DAG1: variants seen among roughly 807,000 people sequenced by gnomAD.
DAG1 encodes dystroglycan 1.
Under a neutral mutation model 46.1 loss-of-function variants are expected in DAG1, and 8 were observed. That is an observed-to-expected ratio of 0.17 (90% CI 0.10 to 0.31). The LOEUF (loss-of-function observed/expected upper bound fraction) is 0.31. Ranked by LOEUF, DAG1 falls within the 10% of genes least tolerant of loss-of-function variation. DAG1 has a pLI of 1.00. For synonymous variants in DAG1, 495 were observed against 481.8 expected, an observed-to-expected ratio of 1.03 and a Z score of -0.36; for missense variants, 1,003 against 1,189.9, an observed-to-expected ratio of 0.84 and a Z score of 2.31.
intron 2 of DAG1, among the ~76,000 whole-genome samples, chr3:49,515,151 G>T (rs996697900): frequency 2.0e-5 from 3 of 151,760 alleles, no homozygotes; most frequent in African/African-American, 7.3e-5. Context: ...TGTATTTTTA[G>T]TAGAGATGGG....
rs144895654 is a variant in DAG1, at chr3:49,493,663, T to C, written c.-116-16756T>C. On this transcript the variant is annotated intron_variant, in intron 1 of 2. Coordinates refer to ENST00000308775, the MANE Select transcript of DAG1 (RefSeq NM_004393.6). ...CCTGAACTGGACATATCTCCAGGTA[T>C]GTGCTGTGGTCTTTAACAAGCAGCC... 1.9e-3 allele frequency among the ~76,000 whole-genome samples: 288 copies of C among 152,354 alleles called. 2 individuals are homozygous for C. The highest frequency in any genetic ancestry group is 6.6e-3 in the African/African-American group (273 of 41,590).
intron 2 of DAG1, among the ~76,000 whole-genome samples, chr3:49,511,969 T>C: frequency 6.6e-6 from 1 of 152,242 alleles, no homozygotes; most frequent in East Asian, 1.9e-4. Flanking sequence ...TTTTTTACAC[T>C]TATAGTCCCA....
At chr3:49,470,004 C>G (rs767430067), upstream of DAG1, 3 of 151,844 alleles carry the variant, frequency 2.0e-5, no homozygotes, top group Non-Finnish European at 4.4e-5. Flanking sequence ...CTTCCCTGGC[C>G]GTGGGGGCGA....
In DAG1 at chr3:49,510,714, T is replaced by C; in HGVS notation, c.180T>C (p.Ala60=). 6.2e-7 allele frequency: 1 copy of C among 1,614,202 alleles called. No individual in the cohort carries two copies. The highest frequency in any genetic ancestry group is 8.5e-7 in the Non-Finnish European group (1 of 1,180,034). The part of the protein sequence containing the change: ...MHSVLSDLHE[A]VPTVVGIPDG... ...CAGTGCTCTCAGACCTCCACGAGGC[T>C]GTTCCCACAGTGGTTGGCATTCCTG... Residue 60 remains alanine, a synonymous_variant, in exon 2 of 3, where the codon GCT becomes GCC. Transcript: ENST00000308775.
At chr3:49,480,291 AGACG>A (rs1382900251) in intron 1 of DAG1, among the ~76,000 whole-genome samples, 2 of 56,270 alleles carry the variant, frequency 3.6e-5, no homozygotes, top group East Asian at 7.8e-4. Flanking sequence ...TTTTTTTGGG[AGACG>A]GACGGAGTCT....
In DAG1 at chr3:49,513,739, C is replaced by G. The variant is rs2050822668; in HGVS notation, c.285+2920C>G. Among the ~76,000 whole-genome samples the G allele has an allele frequency of 3.3e-5, 5 of 152,114 alleles. No homozygotes were observed. In the South Asian group the frequency reaches 1.0e-3, roughly 31 times the overall value. Reference sequence around the variant, plus strand: ...CATGTAGCAGTTCACAGAGCTCTTCCTAGTTTGCAGAGTGTTTGCATAAAG... The same window carrying G: ...CATGTAGCAGTTCACAGAGCTCTTCGTAGTTTGCAGAGTGTTTGCATAAAG... On this transcript the variant is annotated intron_variant, in intron 2 of 2. Transcript: ENST00000308775.
intron 1 of DAG1, among the ~76,000 whole-genome samples, chr3:49,507,282 G>T (rs2050629028): frequency 6.6e-6 from 1 of 152,200 alleles, no homozygotes; most frequent in South Asian, 2.1e-4. Flanking sequence ...CAAATTCAGG[G>T]TCAGGCGTGG....
At chr3:49,485,789 A>G (rs1230789600) in intron 1 of DAG1, among the ~76,000 whole-genome samples, 1 of 151,340 alleles carries the variant, frequency 6.6e-6, no homozygotes, top group Admixed American at 6.6e-5. Context: ...GCCTTCTGCA[A>G]AGCTGGAACT....
rs79896705 is a variant in DAG1, at chr3:49,530,464, G to C, written c.286-333G>C. Among the ~76,000 whole-genome samples, 1,804 of 152,288 alleles carry C rather than the reference G, an allele frequency of 0.012. 41 individuals carry two copies. Among genetic ancestry groups the C allele is most frequent in the African/African-American group, 0.042 (1,726 of 41,550 alleles). On this transcript the variant is annotated intron_variant, in intron 2 of 2. Transcript: ENST00000308775. Reference sequence around the variant, plus strand: ...GTAGAATGGGCAAGTAGGTGGCAGGGCGTGTCACTGTTATAAAATCCACAA... The same window carrying C: ...GTAGAATGGGCAAGTAGGTGGCAGGCCGTGTCACTGTTATAAAATCCACAA...
chr3:49,518,658 C>G (rs921752898), intron 2 of DAG1, among the ~76,000 whole-genome samples: 17 of 152,220 alleles, frequency 1.1e-4, no homozygotes, highest in Admixed American at 9.8e-4. Flanking sequence ...CAGCTCTTGT[C>G]CAGTCTCAGC....
chr3:49,532,404 G>A lies in DAG1; in HGVS notation c.1893G>A (p.Lys631=). The part of the protein sequence containing the change: ...NDIHKKIALV[K]KLAFAFGDRN... Reference sequence around the variant, plus strand: ...TCCACAAGAAGATTGCCTTGGTAAAGAAACTGGCCTTCGCCTTTGGAGACC... The same window carrying A: ...TCCACAAGAAGATTGCCTTGGTAAAAAAACTGGCCTTCGCCTTTGGAGACC... The change falls in exon 3 of 3, where the codon AAG becomes AAA. Residue 631 remains lysine (K), a synonymous_variant. Coordinates refer to ENST00000308775, the MANE Select transcript of DAG1 (RefSeq NM_004393.6). This position sits in a 1 kb window ranked among gnomAD's most constrained non-coding sequence, Gnocchi z 5.4. 1 of 1,614,224 alleles carries A rather than the reference G, an allele frequency of 6.2e-7. No homozygotes were observed. The highest frequency in any genetic ancestry group is 8.5e-7 in the Non-Finnish European group (1 of 1,180,052).
chr3:49,505,837 A>AT (rs35262532), intron 1 of DAG1, among the ~76,000 whole-genome samples: 106,599 of 145,440 alleles, frequency 0.73, 39,184 homozygotes, highest in East Asian at 0.99. Context: ...CTAATTTTGT[A>AT]TTTTTTTTTT....
In DAG1 at chr3:49,532,779, G is replaced by A. The variant is rs780567124; in HGVS notation, c.2268G>A (p.Pro756=). The part of the protein sequence containing the change: ...EDDVYLHTVI[P]AVVVAAILLI... ...ATGTCTACCTGCACACAGTCATTCCGGCCGTGGTGGTCGCAGCCATCCTGC... is the reference window on the plus strand; with the variant it reads ...ATGTCTACCTGCACACAGTCATTCCAGCCGTGGTGGTCGCAGCCATCCTGC... The change falls in exon 3 of 3, where the codon CCG becomes CCA. Residue 756 remains proline (P), a synonymous_variant. Coordinates refer to ENST00000308775, the MANE Select transcript of DAG1 (RefSeq NM_004393.6). This position sits in a 1 kb window ranked among gnomAD's most constrained non-coding sequence, Gnocchi z 5.4. 15 of 1,614,060 alleles carry A rather than the reference G, an allele frequency of 9.3e-6. No individual in the cohort carries two copies. The East Asian group carries it at 1.1e-4, about 12-fold the overall frequency.
intron 1 of DAG1, among the ~76,000 whole-genome samples, chr3:49,480,652 T>C (rs1292450830): frequency 6.9e-6 from 1 of 145,420 alleles, no homozygotes; most frequent in Non-Finnish European, 1.6e-5. Flanking sequence ...GTTCTTTTTT[T>C]TTGTTTTTCT....
At position 49,535,086 on chromosome 3, in the gene DAG1, A is replaced by G. The variant is rs1575416882; in HGVS notation, c.*1887A>G. On this transcript the variant is annotated 3_prime_UTR_variant, in exon 3 of 3. Coordinates refer to ENST00000308775, the MANE Select transcript of DAG1 (RefSeq NM_004393.6). ...CCCCAGGGGGTACTCTGGAGTGAGC[A>G]GTGCCCCTGTGGGGGAGCCTGTAAA... 1 of 152,188 alleles carries G rather than the reference A, an allele frequency of 6.6e-6. No individual in the cohort carries two copies. The highest frequency in any genetic ancestry group is 2.1e-4 in the South Asian group (1 of 4,830). 9.4% of individuals were successfully genotyped at this position (152,188 alleles called of 1,614,324 possible). A position where few individuals can be genotyped will look rare whatever the true frequency, so the allele number is the denominator to read the frequency against.
intron 1 of DAG1, among the ~76,000 whole-genome samples, chr3:49,488,307 A>C (rs1321919035): frequency 6.6e-6 from 1 of 152,214 alleles, no homozygotes; most frequent in Non-Finnish European, 1.5e-5. Context: ...GTTAGTGAAA[A>C]TAAGAGAAAA....
At chr3:49,493,651 T>C (rs1390184419) in intron 1 of DAG1, among the ~76,000 whole-genome samples, 1 of 152,208 alleles carries the variant, frequency 6.6e-6, no homozygotes, top group Admixed American at 6.5e-5. Context: ...GAACTGGACA[T>C]ATCTCCAGGT....
chr3:49,480,423 C>T (rs868396162), intron 1 of DAG1, among the ~76,000 whole-genome samples: 2 of 151,272 alleles, frequency 1.3e-5, no homozygotes, highest in African/African-American at 4.9e-5. Context: ...CTACAGGTGC[C>T]TGCCACCACG....
chr3:49,497,874 C>G (rs2050355838), intron 1 of DAG1, among the ~76,000 whole-genome samples: 1 of 152,138 alleles, frequency 6.6e-6, no homozygotes, highest in Non-Finnish European at 1.5e-5. Context: ...TTCCCTTTCC[C>G]TAGAACATGT....
Sources: gnomAD v4.1 joint callset for allele counts (sites outside exome capture counted in the v4.1 genomes callset) on GRCh38, gnomAD v4.1.1 for gene constraint, Gnocchi (gnomAD v3.1) non-coding constraint, MANE v1.5 for transcripts, NCBI Gene and HGNC (gene_info 2026-07-23, HGNC 2026-07-21) for gene names.